The following LRRC4C variants were observed in gnomAD, a reference collection of about 807,000 sequenced individuals.
LRRC4C encodes the protein leucine-rich repeat-containing protein 4C.
A neutral mutation model predicts 33.6 loss-of-function variants in LRRC4C; 5 were observed. The observed-to-expected ratio is 0.15, with a 90% CI of 0.08 to 0.31. The LOEUF is 0.31. LRRC4C is among the 10% of genes least tolerant of loss of function. The pLI is 1.00. For missense variants in LRRC4C, 560 were observed against 796.7 expected (o/e 0.70, Z 3.58); for synonymous variants, 329 against 302.0 (o/e 1.09, Z -0.93).
chr11:40,203,038 G>A (rs561163853), intron 5 of LRRC4C, among the ~76,000 whole-genome samples: 2 of 152,188 alleles, frequency 1.3e-5, no homozygotes, highest in Admixed American at 6.5e-5. Context: ...TTCACTGGCT[G>A]TGCCCAAGTG....
At chr11:40,884,625 T>C (rs543285322) in intron 2 of LRRC4C, among the ~76,000 whole-genome samples, 1 of 152,250 alleles carries the variant, frequency 6.6e-6, no homozygotes, top group African/African-American at 2.4e-5. Context: ...AAATAGTTAT[T>C]ACTATACAGT....
intron 3 of LRRC4C, among the ~76,000 whole-genome samples, chr11:40,630,603 T>G (rs1372202485): frequency 6.6e-6 from 1 of 152,158 alleles, no homozygotes; most frequent in African/African-American, 2.4e-5. Flanking sequence ...AAATAAATTA[T>G]CTGAGTTTAT....
At chr11:41,090,187 G>A (rs186996912) in intron 1 of LRRC4C, among the ~76,000 whole-genome samples, 2 of 152,086 alleles carry the variant, frequency 1.3e-5, no homozygotes, top group African/African-American at 4.8e-5. Flanking sequence ...AGAAGAATGT[G>A]CATAATATGA....
intron 3 of LRRC4C, among the ~76,000 whole-genome samples, chr11:40,629,147 C>T (rs771345971): frequency 1.6e-4 from 25 of 152,004 alleles, no homozygotes; most frequent in Non-Finnish European, 3.1e-4. Context: ...TAAAAATTGG[C>T]TCTTATAAGA....
intron 3 of LRRC4C, among the ~76,000 whole-genome samples, chr11:40,534,505 T>C (rs1243774762): frequency 1.3e-5 from 2 of 152,192 alleles, no homozygotes; most frequent in East Asian, 1.9e-4. Context: ...TGTGTGGCAC[T>C]GCCTAGACAC....
chr11:41,252,541 T>C (rs966554978), intron 1 of LRRC4C, among the ~76,000 whole-genome samples: 2 of 152,124 alleles, frequency 1.3e-5, no homozygotes, highest in Non-Finnish European at 2.9e-5. Context: ...ATTAAAGTCT[T>C]CTCGGGCAAG....
intron 2 of LRRC4C, among the ~76,000 whole-genome samples, chr11:40,664,576 T>C (rs1943619807): frequency 6.6e-6 from 1 of 151,580 alleles, no homozygotes; most frequent in Non-Finnish European, 1.5e-5. Flanking sequence ...TTAGAAAAGT[T>C]TGTAATGGAT....
chr11:41,051,542 A>AAAAAAAAAAAAAAAAAAAG (rs1858218763), intron 1 of LRRC4C, among the ~76,000 whole-genome samples: 2 of 117,162 alleles, frequency 1.7e-5, no homozygotes, highest in East Asian at 2.3e-4. Flanking sequence ...AAAAAAAAAA[A>AAAAAAAAAAAAAAAAAAAG]AAAAAAAAAA....
intron 5 of LRRC4C, among the ~76,000 whole-genome samples, chr11:40,211,277 A>G (rs753703420): frequency 6.6e-6 from 1 of 152,220 alleles, no homozygotes; most frequent in Non-Finnish European, 1.5e-5. Context: ...TGCTTGGCAC[A>G]TAAGAAGATA....
At chr11:40,661,903 T>G (rs976339828) in intron 2 of LRRC4C, among the ~76,000 whole-genome samples, 1 of 152,074 alleles carries the variant, frequency 6.6e-6, no homozygotes, top group Non-Finnish European at 1.5e-5. Context: ...AATCAGAACA[T>G]CCGCAGAGAG....
chr11:41,443,781 ATTTT>A (rs11419487), intron 1 of LRRC4C, among the ~76,000 whole-genome samples: 1 of 115,110 alleles, frequency 8.7e-6, no homozygotes. Flanking sequence ...ACACCTAGCT[ATTTT>A]TTTTTTTTTT....
chr11:40,934,379 T>C (rs1159367244), intron 1 of LRRC4C, among the ~76,000 whole-genome samples: 1 of 152,138 alleles, frequency 6.6e-6, no homozygotes, highest in African/African-American at 2.4e-5. Flanking sequence ...TCCGAAGGCA[T>C]GGAAAATATT....
intron 2 of LRRC4C, among the ~76,000 whole-genome samples, chr11:40,908,747 G>T (rs1201183730): frequency 6.6e-6 from 1 of 152,134 alleles, no homozygotes; most frequent in African/African-American, 2.4e-5. Flanking sequence ...ACCTTGATTT[G>T]AGTGTAACTT....
intron 1 of LRRC4C, among the ~76,000 whole-genome samples, chr11:41,349,524 G>T (rs1346060669): frequency 6.6e-6 from 1 of 152,000 alleles, no homozygotes; most frequent in African/African-American, 2.4e-5. Flanking sequence ...GCCCCTCAGG[G>T]TTCGAGCACA....
intron 2 of LRRC4C, among the ~76,000 whole-genome samples, chr11:40,713,891 T>C (rs566226324): frequency 6.6e-6 from 1 of 152,288 alleles, no homozygotes; most frequent in South Asian, 2.1e-4. Context: ...CCTCTTCAAT[T>C]CCCATCGCTA....
At chr11:41,408,699 A>G (rs1235796682) in intron 1 of LRRC4C, among the ~76,000 whole-genome samples, 1 of 150,374 alleles carries the variant, frequency 6.7e-6, no homozygotes, top group Non-Finnish European at 1.5e-5. Context: ...TCGCTGCTTT[A>G]GATTATTTTA....
chr11:41,240,391 T>C (rs894991275), intron 1 of LRRC4C, among the ~76,000 whole-genome samples: 3 of 152,024 alleles, frequency 2.0e-5, no homozygotes, highest in Non-Finnish European at 4.4e-5. Context: ...GTGAAAAAGA[T>C]CAATTGAATT....
chr11:41,032,347 C>T (rs564981713), intron 1 of LRRC4C, among the ~76,000 whole-genome samples: 3 of 152,160 alleles, frequency 2.0e-5, no homozygotes, highest in Non-Finnish European at 2.9e-5. Flanking sequence ...ATGCAATTAA[C>T]ACTCATCTAA....
intron 3 of LRRC4C, among the ~76,000 whole-genome samples, chr11:40,344,753 C>T (rs1430446734): frequency 6.6e-6 from 1 of 152,084 alleles, no homozygotes; most frequent in African/African-American, 2.4e-5. Context: ...ACTTACAAAT[C>T]CCCATAGTCT....
Sources: allele counts gnomAD v4.1 joint callset (sites outside exome capture counted in the v4.1 genomes callset), GRCh38; gene constraint gnomAD v4.1.1; transcripts MANE v1.5; gene names NCBI Gene and HGNC (gene_info 2026-07-23, HGNC 2026-07-21).